The following WNT9A variants were observed in gnomAD, a reference collection of about 807,000 sequenced individuals.
WNT9A encodes the protein protein Wnt-9a.
A neutral mutation model predicts 31.4 loss-of-function variants in WNT9A; 8 were observed. The observed-to-expected ratio is 0.26, with a 90% confidence interval of 0.15 to 0.46. WNT9A has a LOEUF of 0.46. Among genes scored for constraint, WNT9A ranks in the 20% least tolerant of loss-of-function variants. The probability of loss-of-function intolerance (pLI) is 0.99; values close to 1 mark genes in which losing one functional copy is unlikely to be tolerated. For missense variants in WNT9A, 457 were observed against 522.9 expected (o/e 0.87, Z 1.23); for synonymous variants, 236 against 220.1 (o/e 1.07, Z -0.64).
rs776251900 is a variant in WNT9A, at chr1:227,921,523, C to T, written c.1093G>A (p.Gly365Ser). The T allele has an allele frequency of 2.2e-5, 36 of 1,605,720 alleles. No homozygotes were observed. The highest frequency in any genetic ancestry group is 1.2e-4 in the Admixed American group (7 of 59,790). ...GGCTGGCAGGGCCTGGGAACTCAGC[C>T]CTTGCAGGTGTAGACCTCCTCACGC... The part of the protein sequence containing the change: ...TQREEVYTCK[G>S] The change falls in exon 4 of 4, where the codon GGC (glycine) becomes AGC (serine). Residue 365 changes from glycine (G) to serine (S), a missense_variant. Physicochemically the swap from Gly to Ser is moderately conservative, Grantham distance 56. Transcript: ENST00000272164.
intron 1 of WNT9A, among the ~76,000 whole-genome samples, chr1:227,947,503 T>C (rs1666813729): frequency 6.6e-6 from 1 of 151,464 alleles, no homozygotes; most frequent in African/African-American, 2.4e-5. Flanking sequence ...CTGATCCCAG[T>C]CCCTAAGCGC....
intron 1 of WNT9A, among the ~76,000 whole-genome samples, chr1:227,938,970 A>G (rs1478971171): frequency 6.6e-6 from 1 of 152,236 alleles, no homozygotes; most frequent in African/African-American, 2.4e-5. Flanking sequence ...GGCTCACGGC[A>G]GCACCAGTTC....
At chr1:227,938,194 T>TAC (rs748050745) in intron 1 of WNT9A, among the ~76,000 whole-genome samples, 6 of 151,610 alleles carry the variant, frequency 4.0e-5, no homozygotes, top group Admixed American at 6.6e-5. Flanking sequence ...AAGTTAAATA[T>TAC]ACACACACAC....
At chr1:227,944,941 C>T (rs548737357) in intron 1 of WNT9A, among the ~76,000 whole-genome samples, 5 of 152,368 alleles carry the variant, frequency 3.3e-5, no homozygotes, top group Admixed American at 6.5e-5. Context: ...CTGCAAGGTG[C>T]CAGGGAGCCA....
intron 1 of WNT9A, among the ~76,000 whole-genome samples, chr1:227,944,929 G>A (rs1158278082): frequency 6.6e-6 from 1 of 152,228 alleles, no homozygotes; most frequent in Non-Finnish European, 1.5e-5. Context: ...CTAAGGAAAG[G>A]GCTGCAAGGT....
intron 1 of WNT9A, among the ~76,000 whole-genome samples, chr1:227,933,082 A>G (rs1048761729): frequency 6.6e-6 from 1 of 152,230 alleles, no homozygotes; most frequent in Non-Finnish European, 1.5e-5. Context: ...TAGCTATGGA[A>G]GTCCCAGATG....
chr1:227,929,605 G>A (rs1666474534), intron 1 of WNT9A, among the ~76,000 whole-genome samples: 2 of 152,172 alleles, frequency 1.3e-5, no homozygotes, highest in Non-Finnish European at 1.5e-5. Flanking sequence ...AGGCCAAGGC[G>A]GGAGGATCAC....
intron 1 of WNT9A, among the ~76,000 whole-genome samples, chr1:227,945,316 T>C (rs1292487735): frequency 2.6e-5 from 4 of 152,084 alleles, no homozygotes; most frequent in Non-Finnish European, 5.9e-5. Context: ...CACATGGACA[T>C]AGCCATGGGA....
At chr1:227,947,254 G>T (rs981930221) in intron 1 of WNT9A, among the ~76,000 whole-genome samples, 1 of 152,170 alleles carries the variant, frequency 6.6e-6, no homozygotes, top group Non-Finnish European at 1.5e-5. Context: ...CACAGAGTCA[G>T]AAGCAAAGCG....
At chr1:227,933,905 G>A (rs1666549249) in intron 1 of WNT9A, among the ~76,000 whole-genome samples, 1 of 152,206 alleles carries the variant, frequency 6.6e-6, no homozygotes, top group Admixed American at 6.5e-5. Context: ...CTGTCTTGAT[G>A]GATTTGCCTA....
intron 1 of WNT9A, among the ~76,000 whole-genome samples, chr1:227,938,370 C>A (rs962307472): frequency 1.3e-5 from 2 of 150,964 alleles, no homozygotes; most frequent in African/African-American, 4.9e-5. Flanking sequence ...TACACACGTA[C>A]AGGAACAAAC....
intron 1 of WNT9A, among the ~76,000 whole-genome samples, chr1:227,944,993 G>A (rs1666771944): frequency 6.6e-6 from 1 of 152,226 alleles, no homozygotes; most frequent in Non-Finnish European, 1.5e-5. Context: ...GCCCCGCTGG[G>A]CAGGAACAGC....
At chr1:227,935,039 CAG>C (rs66492360) in intron 1 of WNT9A, among the ~76,000 whole-genome samples, 26,965 of 148,830 alleles carry the variant, frequency 0.18, 2,915 homozygotes, top group East Asian at 0.34. Context: ...CAGTTCACCA[CAG>C]AGTCTGAGTC....
chr1:227,929,739 C>T (rs542712379), intron 1 of WNT9A, among the ~76,000 whole-genome samples: 1 of 152,198 alleles, frequency 6.6e-6, no homozygotes, highest in Middle Eastern at 3.4e-3. Context: ...GAGGCTGAGG[C>T]GGGGGAAACA....
chr1:227,932,380 C>T (rs1480101275), intron 1 of WNT9A, among the ~76,000 whole-genome samples: 1 of 152,196 alleles, frequency 6.6e-6, no homozygotes, highest in African/African-American at 2.4e-5. Context: ...TTCCAATTCT[C>T]ATTCTCTTGC....
chr1:227,943,531 C>T (rs529719681), intron 1 of WNT9A, among the ~76,000 whole-genome samples: 30 of 152,350 alleles, frequency 2.0e-4, no homozygotes, highest in Middle Eastern at 6.8e-3. Context: ...GTCAGAGCCC[C>T]ACAAGGTGCC....
intron 1 of WNT9A, among the ~76,000 whole-genome samples, chr1:227,931,836 G>A (rs763333715): frequency 6.6e-6 from 1 of 151,882 alleles, no homozygotes; most frequent in Non-Finnish European, 1.5e-5. Flanking sequence ...CTGCTGACTG[G>A]TCAGCGTGGT....
rs1422873029 is a variant in WNT9A at position 227,921,956 on chromosome 1, C to T, written c.660G>A (p.Val220=). 19 of 1,612,270 alleles carry T rather than the reference C, an allele frequency of 1.2e-5. No individual in the cohort carries two copies. The highest frequency in any genetic ancestry group is 1.5e-5 in the Non-Finnish European group (18 of 1,179,448). ...GVETTCKCHG[V]SGSCTVRTCW... is the part of the protein sequence containing the mutation. ...AGGTCCGCACCGTGCATGAGCCTGA[C>T]ACGCCGTGGCACTTGCAGGTGGTCT... Residue 220 remains valine (V), a synonymous_variant, in exon 4 of 4, where the codon GTG becomes GTA. Coordinates refer to ENST00000272164, the MANE Select transcript of WNT9A (RefSeq NM_003395.4).
At position 227,921,319 on chromosome 1, in the gene WNT9A, G is replaced by C; in HGVS notation, c.*199C>G. 1.3e-6 allele frequency: 1 copy of C among 772,934 alleles called. No individual in the cohort carries two copies. The highest frequency in any genetic ancestry group is 2.0e-6 in the Non-Finnish European group (1 of 498,330). 47.9% of individuals were successfully genotyped at this position (772,934 alleles called of 1,614,324 possible). ...CCCCATGCAGCTAGGACTGAGCCCA[G>C]GGACTCACCCCACGCTGCTAGGTCT... On this transcript the variant is annotated 3_prime_UTR_variant, in exon 4 of 4. Transcript: ENST00000272164.
Sources: gnomAD v4.1 joint callset for allele counts (sites outside exome capture counted in the v4.1 genomes callset) on GRCh38, gnomAD v4.1.1 for gene constraint, MANE v1.5 for transcripts, NCBI Gene and HGNC (gene_info 2026-07-23, HGNC 2026-07-21) for gene names.